The following JARID2 variants were observed in gnomAD, a reference collection of about 807,000 sequenced individuals.
JARID2 encodes jumonji and AT-rich interaction domain containing 2, also known as protein Jumonji.
JARID2 carries 21 observed loss-of-function variants against 125.6 expected under a neutral mutation model. The observed-to-expected ratio is 0.17, with a 90% CI of 0.12 to 0.24. JARID2 has a LOEUF of 0.24. Ranked by LOEUF, JARID2 falls within the 10% of genes least tolerant of loss-of-function variation. The probability of loss-of-function intolerance (pLI) is 1.00; values close to 1 mark genes in which losing one functional copy is unlikely to be tolerated. For synonymous variants in JARID2, 736 were observed against 661.6 expected (o/e 1.11, Z -1.73); for missense variants, 1,303 against 1,639.6 (o/e 0.79, Z 3.55).
At position 15,496,742 on chromosome 6, in the gene JARID2, A is replaced by T; in HGVS notation, c.1517A>T (p.Lys506Met). 1 of 1,613,724 alleles carries T rather than the reference A, an allele frequency of 6.2e-7. No individual in the cohort carries two copies. ...RNRPKRATAG[K>M]STPGRQAHGK... ...CGGCCGAAGCGGGCCACGGCCGGGA[A>T]GAGCACGCCAGGCAGACAAGCACAT... The change falls in exon 7 of 18, where the codon AAG becomes ATG. Residue 506 changes from lysine (K) to methionine (M), a missense_variant. Around this residue, in one of 11 missense-constraint regions of JARID2, gnomAD observed 651 missense variants for 581.6 expected, o/e 1.12. Coordinates refer to ENST00000341776, the MANE Select transcript of JARID2 (RefSeq NM_004973.4).
intron 3 of JARID2, among the ~76,000 whole-genome samples, chr6:15,442,239 A>G (rs1187379659): frequency 6.6e-6 from 1 of 152,028 alleles, no homozygotes; most frequent in African/African-American, 2.4e-5. Context: ...TAAAATTGAG[A>G]GACTGCTAGG....
At chr6:15,457,245 T>G (rs971734540) in intron 4 of JARID2, among the ~76,000 whole-genome samples, 4 of 152,250 alleles carry the variant, frequency 2.6e-5, no homozygotes, top group Admixed American at 2.0e-4. Context: ...TCCACCTTTT[T>G]GATATCCACT....
intron 2 of JARID2, among the ~76,000 whole-genome samples, chr6:15,392,744 G>T (rs902196908): frequency 6.7e-6 from 1 of 149,860 alleles, no homozygotes; most frequent in Non-Finnish European, 1.5e-5. Context: ...GAGTGTAGTG[G>T]TGCGGTCTTC....
intron 3 of JARID2, among the ~76,000 whole-genome samples, chr6:15,436,678 C>G (rs889202153): frequency 4.6e-5 from 7 of 152,158 alleles, no homozygotes; most frequent in Non-Finnish European, 1.0e-4. Flanking sequence ...CCATGCTCTT[C>G]TATTCCCAGC....
At chr6:15,264,980 A>G (rs942035253) in intron 1 of JARID2, among the ~76,000 whole-genome samples, 6 of 152,200 alleles carry the variant, frequency 3.9e-5, no homozygotes, top group African/African-American at 7.2e-5. Context: ...TCATTGCTCT[A>G]TGGTGGGATC....
At chr6:15,352,761 C>T (rs1294800311) in intron 1 of JARID2, among the ~76,000 whole-genome samples, 1 of 152,114 alleles carries the variant, frequency 6.6e-6, no homozygotes, top group Non-Finnish European at 1.5e-5. Context: ...TCAGACATGA[C>T]TGTAAGTCTA....
In JARID2 at chr6:15,521,357, C is replaced by T. The variant is rs1052737480; in HGVS notation, c.*1106C>T. The T allele has an allele frequency of 2.0e-5, 3 of 150,864 alleles. No homozygotes were observed. The highest frequency in any genetic ancestry group is 2.1e-4 in the South Asian group (1 of 4,796). The allele number at this position is 150,864 out of a possible 1,614,324, so 9.3% of individuals were successfully genotyped here. A position where few individuals can be genotyped will look rare whatever the true frequency, so the allele number is the denominator to read the frequency against. On this transcript the variant is annotated 3_prime_UTR_variant, in exon 18 of 18. Transcript: ENST00000341776. ...AAAAGGAAAAAAGAAAAAAAAATCC[C>T]ATCCCTTTTGTACATATGCCTGTAA...
intron 12 of JARID2, among the ~76,000 whole-genome samples, chr6:15,509,697 C>T (rs1386090092): frequency 6.6e-6 from 1 of 152,206 alleles, no homozygotes; most frequent in East Asian, 1.9e-4. Context: ...GTTACACTGG[C>T]TGTGGCATGG....
At chr6:15,513,509 C>T in intron 16 of JARID2, 87 bp downstream of exon 16, 1 of 1,317,860 alleles carries the variant, frequency 7.6e-7, no homozygotes, top group Non-Finnish European at 1.0e-6. Context: ...GGAGGGCGCT[C>T]TCTGCCCAGG....
chr6:15,249,064 G>A, intron 1 of JARID2: 1 of 542,648 alleles, frequency 1.8e-6, no homozygotes, highest in Non-Finnish European at 2.4e-6. Context: ...CCTCCTTTCT[G>A]CAGGAATGTT....
intron 1 of JARID2, among the ~76,000 whole-genome samples, chr6:15,332,443 G>A (rs1762740068): frequency 6.6e-6 from 1 of 152,176 alleles, no homozygotes; most frequent in Non-Finnish European, 1.5e-5. Flanking sequence ...TTTGAAAGCA[G>A]CATTGTATCA....
Position 15,501,388 on chromosome 6 carries a change from C to A in JARID2, c.2427C>A (p.Asp809Glu). 6.5e-7 allele frequency: 1 copy of A among 1,549,930 alleles called. No homozygotes were observed. Among genetic ancestry groups the A allele is most frequent in the Non-Finnish European group, 8.7e-7 (1 of 1,148,620 alleles). ...AGGAGGACAAAGGCGTCCTCAATGACTTCCACAAGTGCATCTATAAGGTAG... is the reference window on the plus strand; with the variant it reads ...AGGAGGACAAAGGCGTCCTCAATGAATTCCACAAGTGCATCTATAAGGTAG... ...EEEEDKGVLN[D>E]FHKCIYKGRS... Residue 809 changes from aspartate to glutamate, a missense_variant, in exon 8 of 18, where the codon GAC becomes GAA. By Grantham distance (45) the Asp-to-Glu change is conservative. Transcript: ENST00000341776.
Position 15,376,008 on chromosome 6 carries a change from A to T in JARID2, c.181+1756A>T, listed in dbSNP as rs181429332. On this transcript the variant is annotated intron_variant, in intron 2 of 17. Transcript: ENST00000341776. Reference sequence around the variant, plus strand: ...AAATGAACAAAAACTAAAGTTTGTCATTCCAGAAGCAACCAGTGCTGTCAG... The same window carrying T: ...AAATGAACAAAAACTAAAGTTTGTCTTTCCAGAAGCAACCAGTGCTGTCAG... Among the ~76,000 whole-genome samples the T allele has an allele frequency of 9.2e-5, 14 of 152,376 alleles. No individual in the cohort carries two copies. The East Asian group carries it at 2.7e-3, about 29-fold the overall frequency.
intron 17 of JARID2, among the ~76,000 whole-genome samples, chr6:15,517,755 G>C (rs939412546): frequency 6.6e-6 from 1 of 152,218 alleles, no homozygotes; most frequent in East Asian, 1.9e-4. Context: ...CTTCTGGAGA[G>C]GGGGGTCATA....
At chr6:15,409,708 G>A (rs1765798485) in intron 2 of JARID2, among the ~76,000 whole-genome samples, 1 of 152,184 alleles carries the variant, frequency 6.6e-6, no homozygotes. Context: ...ATCTAATCTT[G>A]TAGATGGCTA....
chr6:15,262,033 A>G (rs949478005), intron 1 of JARID2, among the ~76,000 whole-genome samples: 23 of 148,052 alleles, frequency 1.6e-4, no homozygotes, highest in Non-Finnish European at 3.0e-4. Flanking sequence ...GCCTGCCTCA[A>G]CCTCCGAAAG....
At chr6:15,513,449 C>T (rs1452626251) in intron 16 of JARID2, 27 bp downstream of exon 16, 1 of 1,569,732 alleles carries the variant, frequency 6.4e-7, no homozygotes, top group Admixed American at 1.7e-5. Context: ...CTGCCGGCGC[C>T]CTCGCATGTA....
chr6:15,322,006 T>TG (rs1212056059), intron 1 of JARID2, among the ~76,000 whole-genome samples: 2 of 152,078 alleles, frequency 1.3e-5, no homozygotes, highest in African/African-American at 4.8e-5. Context: ...TTGGCCAGGC[T>TG]GGCCTCAAAC....
chr6:15,488,389 C>G (rs535139932), intron 6 of JARID2, among the ~76,000 whole-genome samples: 114 of 152,346 alleles, frequency 7.5e-4, no homozygotes, highest in African/African-American at 2.6e-3. Flanking sequence ...CCTGTTCCCC[C>G]CTCCATTTTA....
Sources: allele counts gnomAD v4.1 joint callset (sites outside exome capture counted in the v4.1 genomes callset), GRCh38; gene constraint gnomAD v4.1.1; regional missense constraint gnomAD v4.1.1; transcripts MANE v1.5; gene names NCBI Gene and HGNC (gene_info 2026-07-23, HGNC 2026-07-21).